Variants in PCDH15 observed in about 807,000 individuals in gnomAD.
The protein encoded by PCDH15 is protocadherin related 15, also known as protocadherin-15.
PCDH15 carries 129 observed loss-of-function variants against 178.5 expected under a neutral mutation model. The ratio of observed to expected loss-of-function variants is 0.72; its 90% CI spans 0.63 to 0.84. The LOEUF (loss-of-function observed/expected upper bound fraction) is 0.84. PCDH15 is among the 40% of genes least tolerant of loss of function. The pLI is 0.00. For synonymous variants in PCDH15, 800 were observed against 732.0 expected, an observed-to-expected ratio of 1.09 and a Z score of -1.50; for missense variants, 2,230 against 2,099.9, an observed-to-expected ratio of 1.06 and a Z score of -1.21.
chr10:54,665,064 T>C (rs186506263), intron 1 of PCDH15, among the ~76,000 whole-genome samples: 1 of 152,026 alleles, frequency 6.6e-6, no homozygotes, highest in Non-Finnish European at 1.5e-5. Context: ...TGATTATAAA[T>C]TGTGGCAGAC....
intron 2 of PCDH15, among the ~76,000 whole-genome samples, chr10:54,656,334 A>G (rs949555149): frequency 2.6e-5 from 4 of 152,076 alleles, no homozygotes; most frequent in South Asian, 2.1e-4. Context: ...AGAGACCCCA[A>G]AAAAGTATAG....
intron 2 of PCDH15, among the ~76,000 whole-genome samples, chr10:55,610,689 G>T (rs1843348719): frequency 6.6e-6 from 1 of 151,944 alleles, no homozygotes; most frequent in Admixed American, 6.6e-5. Flanking sequence ...TGTAGGGTGT[G>T]GTTAGACATT....
intron 2 of PCDH15, among the ~76,000 whole-genome samples, chr10:55,003,618 T>A (rs1839849205): frequency 6.6e-6 from 1 of 152,218 alleles, no homozygotes; most frequent in Non-Finnish European, 1.5e-5. Flanking sequence ...TGTGGTTGTT[T>A]GCATAAGTTC....
intron 8 of PCDH15, among the ~76,000 whole-genome samples, chr10:54,271,418 G>A (rs1043355020): frequency 6.6e-6 from 1 of 151,930 alleles, no homozygotes; most frequent in African/African-American, 2.4e-5. Flanking sequence ...CCAAATTGGC[G>A]AGGCTGGTTT....
intron 2 of PCDH15, among the ~76,000 whole-genome samples, chr10:55,047,865 T>G (rs968876427): frequency 6.6e-6 from 1 of 151,882 alleles, no homozygotes; most frequent in African/African-American, 2.4e-5. Flanking sequence ...AGGAAATTTA[T>G]TTTCTTTGAA....
chr10:54,979,162 C>A (rs966635373), intron 2 of PCDH15, among the ~76,000 whole-genome samples: 2 of 152,006 alleles, frequency 1.3e-5, no homozygotes, highest in East Asian at 3.9e-4. Context: ...CAAGACACTG[C>A]ATTTTTTAAA....
At chr10:55,045,676 C>G (rs531093461) in intron 2 of PCDH15, among the ~76,000 whole-genome samples, 2 of 151,998 alleles carry the variant, frequency 1.3e-5, no homozygotes, top group African/African-American at 2.4e-5. Flanking sequence ...TTTAAGAGAA[C>G]AAAATTCTGC....
intron 3 of PCDH15, among the ~76,000 whole-genome samples, chr10:54,430,914 G>C (rs1466354314): frequency 6.6e-6 from 1 of 152,016 alleles, no homozygotes; most frequent in African/African-American, 2.4e-5. Flanking sequence ...TAAAAGTGGA[G>C]ATGAAAAGGG....
chr10:54,152,602 TAAAC>T (rs141944797), intron 14 of PCDH15, among the ~76,000 whole-genome samples: 27,324 of 151,560 alleles, frequency 0.18, 2,691 homozygotes, highest in Admixed American at 0.21. Context: ...AATCTGGAAA[TAAAC>T]AATAAATTAA....
At chr10:54,467,577 G>A (rs923969975) in intron 3 of PCDH15, among the ~76,000 whole-genome samples, 8 of 65,724 alleles carry the variant, frequency 1.2e-4, no homozygotes, top group Non-Finnish European at 1.6e-4. Context: ...TTGCATCTTT[G>A]TTCATCAAGG....
At chr10:54,742,049 T>C (rs531863673) in intron 1 of PCDH15, among the ~76,000 whole-genome samples, 1 of 152,190 alleles carries the variant, frequency 6.6e-6, no homozygotes, top group South Asian at 2.1e-4. Context: ...AGATAAGTCT[T>C]TTCCTTTCCT....
At chr10:55,358,562 TTGTAATAATATAATAGTTGCC>T (rs1845136841) in intron 2 of PCDH15, among the ~76,000 whole-genome samples, 1 of 152,138 alleles carries the variant, frequency 6.6e-6, no homozygotes, top group East Asian at 1.9e-4. Context: ...AGTGTAGTTG[TTGTAATAATATAATAGTTGCC>T]ACCTAAAGTA....
intron 21 of PCDH15, among the ~76,000 whole-genome samples, chr10:53,993,278 TGAA>T (rs1227250832): frequency 3.3e-5 from 5 of 152,198 alleles, no homozygotes; most frequent in Admixed American, 1.3e-4. Context: ...TTGTCAATCC[TGAA>T]GAATACAGAA....
intron 2 of PCDH15, among the ~76,000 whole-genome samples, chr10:55,370,386 G>A (rs1845476886): frequency 6.6e-6 from 1 of 152,034 alleles, no homozygotes; most frequent in Admixed American, 6.6e-5. Flanking sequence ...ATACACTTCA[G>A]TTACTTTAAA....
At chr10:55,328,499 G>A (rs1053550772) in intron 2 of PCDH15, among the ~76,000 whole-genome samples, 1 of 151,670 alleles carries the variant, frequency 6.6e-6, no homozygotes, top group Non-Finnish European at 1.5e-5. Flanking sequence ...TAATGGTACA[G>A]TAAAAATACG....
intron 2 of PCDH15, among the ~76,000 whole-genome samples, chr10:54,566,267 C>CATATAT (rs2089018304): frequency 6.6e-6 from 1 of 152,110 alleles, no homozygotes; most frequent in Non-Finnish European, 1.5e-5. Flanking sequence ...CCCACCCATG[C>CATATAT]ATAACTTGTA....
rs562377533 is a variant in PCDH15, at chr10:54,317,413, C to A, written c.734G>T (p.Arg245Leu). Residue 245 changes from arginine (R) to leucine (L), a missense_variant, in exon 8 of 38, where the codon CGA (arginine) becomes CTA (leucine). By Grantham distance (102) the Arg-to-Leu change is moderately radical. Transcript: ENST00000644397. ...CACTGTGAGAGTGGTGGTGGTGGTT[C>A]GCCTCTCATTCAGATTTTGGGCACG... ...NDRAQNLNER[R>L]TTTTTLTVDV... 41 of 1,613,776 alleles carry A rather than the reference C, an allele frequency of 2.5e-5. No homozygotes were observed. Among genetic ancestry groups the A allele is most frequent in the Non-Finnish European group, 3.5e-5 (41 of 1,179,876 alleles).
At chr10:54,385,587 A>C (rs1402306212) in intron 3 of PCDH15, among the ~76,000 whole-genome samples, 1 of 152,150 alleles carries the variant, frequency 6.6e-6, no homozygotes, top group African/African-American at 2.4e-5. Context: ...CAAAAATGTA[A>C]TTAACTAAAG....
At chr10:55,412,031 T>G (rs1838349135) in intron 2 of PCDH15, among the ~76,000 whole-genome samples, 1 of 152,052 alleles carries the variant, frequency 6.6e-6, no homozygotes. Flanking sequence ...TGTTTGAGAC[T>G]GGAGGGGCTG....
Sources: gnomAD v4.1 joint callset for allele counts (sites outside exome capture counted in the v4.1 genomes callset) on GRCh38, gnomAD v4.1.1 for gene constraint, MANE v1.5 for transcripts, NCBI Gene and HGNC (gene_info 2026-07-23, HGNC 2026-07-21) for gene names.